EFR3B: variants seen among roughly 807,000 people sequenced by gnomAD.
EFR3B encodes the protein protein EFR3 homolog B.
EFR3B carries 64 observed loss-of-function variants against 104.7 expected under a neutral mutation model. That is an observed-to-expected ratio of 0.61 (90% CI 0.50 to 0.75). EFR3B has a LOEUF of 0.75. EFR3B is among the 30% of genes least tolerant of loss of function. The pLI is 0.00. For synonymous variants in EFR3B, 385 were observed against 417.9 expected (o/e 0.92, Z 0.96); for missense variants, 750 against 1,078.5 (o/e 0.70, Z 4.27).
intron 12 of EFR3B, among the ~76,000 whole-genome samples, chr2:25,134,791 C>T (rs1374883862): frequency 6.6e-6 from 1 of 152,184 alleles, no homozygotes; most frequent in Non-Finnish European, 1.5e-5. Context: ...TTGTACCCAG[C>T]ATTTTCTTAA....
intron 1 of EFR3B, among the ~76,000 whole-genome samples, chr2:25,074,782 A>G (rs1573183027): frequency 6.6e-6 from 1 of 151,542 alleles, no homozygotes; most frequent in Admixed American, 6.6e-5. Context: ...ACATTAGGCT[A>G]ATTTTTGTAT....
In EFR3B at chr2:25,131,072, G is replaced by A. The variant is rs1423646592; in HGVS notation, c.850-296G>A. Among the ~76,000 whole-genome samples the A allele has an allele frequency of 1.3e-5, 2 of 152,124 alleles. No homozygotes were observed. Among genetic ancestry groups the A allele is most frequent in the South Asian group, 4.1e-4 (2 of 4,822 alleles). ...CATGTGGCCTCCCGTGGCTCTTGCC[G>A]GAAAGACCTGAAGAAATGAAAGGAA... On this transcript the variant is annotated intron_variant, in intron 8 of 22. Coordinates refer to ENST00000403714, the MANE Select transcript of EFR3B (RefSeq NM_014971.2). This position sits in a 1 kb window ranked among gnomAD's most constrained non-coding sequence, Gnocchi z 7.6.
At position 25,131,467 on chromosome 2, in the gene EFR3B, T is replaced by C. The variant is rs1368580802; in HGVS notation, c.949T>C (p.Ser317Pro). Residue 317 changes from serine (S) to proline (P), a missense_variant, in exon 9 of 23, where the codon TCG (serine) becomes CCG (proline). By Grantham distance (74) the Ser-to-Pro change is moderately conservative. Coordinates refer to ENST00000403714, the MANE Select transcript of EFR3B (RefSeq NM_014971.2). This position sits in a 1 kb window ranked among gnomAD's most constrained non-coding sequence, Gnocchi z 7.6. ...GCGCGCGGGCATCGTGGAAGTCTTG[T>C]CGGAAGCCGCGGTCATCGCTGCCAC... ...TVRAGIVEVL[S>P]EAAVIAATGS... 1 of 1,550,364 alleles carries C rather than the reference T, an allele frequency of 6.5e-7. No homozygotes were observed. The highest frequency in any genetic ancestry group is 8.7e-7 in the Non-Finnish European group (1 of 1,146,830).
At chr2:25,046,103 G>C (rs1667709013) in intron 1 of EFR3B, among the ~76,000 whole-genome samples, 1 of 151,952 alleles carries the variant, frequency 6.6e-6, no homozygotes, top group Non-Finnish European at 1.5e-5. Context: ...AAATGTGCTT[G>C]GGCTGGGCAC....
At chr2:25,138,332 C>T (rs1336167859) in intron 15 of EFR3B, among the ~76,000 whole-genome samples, 6 of 152,304 alleles carry the variant, frequency 3.9e-5, no homozygotes, top group Non-Finnish European at 4.4e-5. Flanking sequence ...CTTTGCGATG[C>T]GCAGGCAGCC....
At chr2:25,110,570 C>A (rs1304003545) in intron 4 of EFR3B, among the ~76,000 whole-genome samples, 1 of 152,242 alleles carries the variant, frequency 6.6e-6, no homozygotes, top group Non-Finnish European at 1.5e-5. Context: ...AGCCTCCCTG[C>A]ATCCATTCTT....
chr2:25,080,669 G>A, intron 1 of EFR3B: 1 of 679,622 alleles, frequency 1.5e-6, no homozygotes, highest in Non-Finnish European at 2.6e-6. Flanking sequence ...TTTCCTTTCA[G>A]GCCAATGTAG....
At chr2:25,049,152 A>G (rs1315927893) in intron 1 of EFR3B, among the ~76,000 whole-genome samples, 1 of 151,992 alleles carries the variant, frequency 6.6e-6, no homozygotes, top group Non-Finnish European at 1.5e-5. Context: ...ATCTCCCTAT[A>G]CTCTCGAGAG....
At chr2:25,092,789 C>T (rs2149185613) in intron 2 of EFR3B, among the ~76,000 whole-genome samples, 1 of 152,326 alleles carries the variant, frequency 6.6e-6, no homozygotes, top group East Asian at 1.9e-4. Flanking sequence ...ATCTGCCCAC[C>T]TCAGCCTCCC....
At chr2:25,057,432 A>C (rs1330039916) in intron 1 of EFR3B, among the ~76,000 whole-genome samples, 1 of 152,078 alleles carries the variant, frequency 6.6e-6, no homozygotes, top group Non-Finnish European at 1.5e-5. Context: ...AACAAAAAAC[A>C]GATCTGTTTT....
At position 25,152,011 on chromosome 2, in the gene EFR3B, C is replaced by T. The variant is rs1231069009; in HGVS notation, c.2289C>T (p.Cys763=). Residue 763 remains cysteine, a synonymous_variant, in exon 21 of 23, where the codon TGC becomes TGT. Transcript: ENST00000403714. The part of the protein sequence containing the change: ...KAPFEEIAAH[C]GARASLLQSK... Reference sequence around the variant, plus strand: ...CCTTCGAGGAGATTGCTGCACACTGCGGGGCCCGGGTAAGTGAAGCATGAC... The same window carrying T: ...CCTTCGAGGAGATTGCTGCACACTGTGGGGCCCGGGTAAGTGAAGCATGAC... 2.3e-5 allele frequency: 35 copies of T among 1,551,440 alleles called. No individual in the cohort carries two copies. The South Asian group carries it at 2.3e-4, about 10-fold the overall frequency.
At chr2:25,144,839 C>A in intron 18 of EFR3B, 121 bp from the exon 19 acceptor site, 1 of 734,248 alleles carries the variant, frequency 1.4e-6, no homozygotes, top group Non-Finnish European at 2.3e-6. Context: ...CCTGAGTGTG[C>A]ACTGAGCCTT....
intron 12 of EFR3B, among the ~76,000 whole-genome samples, chr2:25,134,173 TTA>T (rs755939359): frequency 8.9e-5 from 7 of 78,412 alleles, no homozygotes; most frequent in Non-Finnish European, 1.0e-4. Flanking sequence ...AGGTCTCAGT[TTA>T]TATTTTTTTT....
At position 25,042,609 on chromosome 2, in the gene EFR3B, G is replaced by T. The variant is rs1219212638; in HGVS notation, c.7+290G>T. 2.5e-6 allele frequency: 3 copies of T among 1,180,468 alleles called. No homozygotes were observed. The highest frequency in any genetic ancestry group is 3.1e-6 in the Non-Finnish European group (3 of 955,436). 73.1% of individuals were successfully genotyped at this position (1,180,468 alleles called of 1,614,324 possible). On this transcript the variant is annotated intron_variant, in intron 1 of 22. Transcript: ENST00000403714. This position sits in a 1 kb window ranked among gnomAD's most constrained non-coding sequence, Gnocchi z 5.4. ...AAAGCGGGTCTCCCGGAGCCGAGCA[G>T]ACCGGGAGTGCTGGAGGAGGTGGTC...
Position 25,131,967 on chromosome 2 carries a change from G to T in EFR3B, c.1147+56G>T, listed in dbSNP as rs1670352912. On this transcript the variant is annotated intron_variant, in intron 10 of 22. Transcript: ENST00000403714. This position sits in a 1 kb window ranked among gnomAD's most constrained non-coding sequence, Gnocchi z 7.6. ...GGGGCCGAGGCGCGGAGTGGGGAGGGGAGGGGAGGGACGGGACGGGGCCCA... is the reference window on the plus strand; with the variant it reads ...GGGGCCGAGGCGCGGAGTGGGGAGGTGAGGGGAGGGACGGGACGGGGCCCA... The T allele has an allele frequency of 7.9e-7, 1 of 1,269,106 alleles. No individual in the cohort carries two copies. Among genetic ancestry groups the T allele is most frequent in the Middle Eastern group, 2.9e-4 (1 of 3,454 alleles). 78.6% of individuals were successfully genotyped at this position (1,269,106 alleles called of 1,614,324 possible).
At chr2:25,070,492 G>A (rs11679400) in intron 1 of EFR3B, among the ~76,000 whole-genome samples, 1 of 151,900 alleles carries the variant, frequency 6.6e-6, no homozygotes, top group South Asian at 2.1e-4. Context: ...CGAACTCCTG[G>A]TCTCAAGTGA....
At chr2:25,073,647 C>G (rs2149175826) in intron 1 of EFR3B, among the ~76,000 whole-genome samples, 1 of 152,258 alleles carries the variant, frequency 6.6e-6, no homozygotes, top group African/African-American at 2.4e-5. Context: ...TGCGCCCAGC[C>G]CACTATGTAA....
At chr2:25,121,305 G>A (rs536434248) in intron 4 of EFR3B, among the ~76,000 whole-genome samples, 7 of 152,232 alleles carry the variant, frequency 4.6e-5, no homozygotes, top group East Asian at 3.9e-4. Flanking sequence ...CTGCTTCGTC[G>A]CTGGCTTTCA....
chr2:25,051,508 C>G (rs764514830), intron 1 of EFR3B, among the ~76,000 whole-genome samples: 2 of 152,128 alleles, frequency 1.3e-5, no homozygotes, highest in Admixed American at 1.3e-4. Flanking sequence ...TCTGGTCACA[C>G]TCCTTTGCGT....
Sources: gnomAD v4.1 joint callset for allele counts (sites outside exome capture counted in the v4.1 genomes callset) on GRCh38, gnomAD v4.1.1 for gene constraint, Gnocchi (gnomAD v3.1) non-coding constraint, MANE v1.5 for transcripts, NCBI Gene and HGNC (gene_info 2026-07-23, HGNC 2026-07-21) for gene names.